Variants in AGBL4 observed in about 807,000 individuals in gnomAD.
The protein encoded by AGBL4 is cytosolic carboxypeptidase 6.
In AGBL4, 58 loss-of-function variants were observed where a neutral mutation model predicts 66.4. That is an observed-to-expected ratio of 0.87 (90% CI 0.71 to 1.09). The LOEUF (loss-of-function observed/expected upper bound fraction) is 1.09. Among genes scored for constraint, AGBL4 ranks in the 50% least tolerant of loss-of-function variants. The pLI, the probability that AGBL4 is intolerant of heterozygous loss-of-function variation, is 0.00. For synonymous variants in AGBL4, 234 were observed against 222.9 expected, an observed-to-expected ratio of 1.05 and a Z score of -0.44; for missense variants, 579 against 631.0, an observed-to-expected ratio of 0.92 and a Z score of 0.88.
At chr1:49,845,845 T>C in intron 2 of AGBL4, 3 of 1,463,956 alleles carry the variant, frequency 2.0e-6, no homozygotes, top group Non-Finnish European at 1.9e-6. Context: ...CTGCAGTCAG[T>C]GTGGGAAGGC....
intron 5 of AGBL4, among the ~76,000 whole-genome samples, chr1:49,018,922 C>T (rs1193343575): frequency 1.3e-5 from 2 of 152,062 alleles, no homozygotes; most frequent in Non-Finnish European, 2.9e-5. Flanking sequence ...ATATTTGACC[C>T]TGTTATTCCT....
At chr1:49,964,186 A>G (rs1052305721) in intron 1 of AGBL4, among the ~76,000 whole-genome samples, 17 of 152,148 alleles carry the variant, frequency 1.1e-4, no homozygotes, top group African/African-American at 3.6e-4. Context: ...CTGTAGATAG[A>G]TATCATCTAC....
chr1:49,245,648 A>C (rs1414458937), intron 4 of AGBL4, 122 bp downstream of exon 4: 1 of 626,978 alleles, frequency 1.6e-6, no homozygotes, highest in Admixed American at 3.0e-5. Flanking sequence ...TCTGGGTAAA[A>C]TTTTCTTTTA....
intron 3 of AGBL4, among the ~76,000 whole-genome samples, chr1:49,338,525 C>T (rs927756407): frequency 2.6e-5 from 4 of 152,122 alleles, no homozygotes; most frequent in Admixed American, 6.6e-5. Context: ...ACATATTTGT[C>T]GCACATCTTT....
At chr1:49,246,694 A>G (rs569635117) in intron 3 of AGBL4, among the ~76,000 whole-genome samples, 2 of 152,080 alleles carry the variant, frequency 1.3e-5, no homozygotes, top group East Asian at 3.9e-4. Flanking sequence ...GGGAGGGAAG[A>G]TTGTGAAAGA....
intron 8 of AGBL4, among the ~76,000 whole-genome samples, chr1:48,643,237 G>A (rs112580275): frequency 0.021 from 3,197 of 152,174 alleles, 126 homozygotes; most frequent in African/African-American, 0.074. Flanking sequence ...CACATGATAG[G>A]GCCTGTGAGC....
chr1:48,916,731 G>C (rs1294929244), intron 5 of AGBL4, among the ~76,000 whole-genome samples: 1 of 152,130 alleles, frequency 6.6e-6, no homozygotes. Context: ...CCTCCACCAG[G>C]GGGTATCCCA....
intron 5 of AGBL4, among the ~76,000 whole-genome samples, chr1:48,900,056 G>C (rs1383276182): frequency 6.6e-6 from 1 of 152,108 alleles, no homozygotes; most frequent in Non-Finnish European, 1.5e-5. Flanking sequence ...AAGGCAAAGG[G>C]ATGTGAGTGG....
At chr1:48,574,278 G>A (rs1284010218) in intron 11 of AGBL4, among the ~76,000 whole-genome samples, 1 of 152,166 alleles carries the variant, frequency 6.6e-6, no homozygotes, top group Admixed American at 6.5e-5. Context: ...TCTAGAGGCT[G>A]AGACTGGTCC....
intron 4 of AGBL4, among the ~76,000 whole-genome samples, chr1:49,111,953 G>A (rs1290529298): frequency 6.6e-6 from 1 of 152,192 alleles, no homozygotes; most frequent in African/African-American, 2.4e-5. Context: ...TTTGGCATAG[G>A]CAGAGTAGGT....
chr1:49,942,393 G>A (rs189690515), intron 1 of AGBL4, among the ~76,000 whole-genome samples: 155 of 151,950 alleles, frequency 1.0e-3, no homozygotes, highest in Middle Eastern at 3.4e-3. Context: ...AAACTTGAGC[G>A]AAAAAACAAA....
rs554792653 is a variant in AGBL4 at position 49,816,110 on chromosome 1, G to C, written c.157+35286C>G. Among the ~76,000 whole-genome samples, 249 of 152,114 alleles carry C rather than the reference G, an allele frequency of 1.6e-3. 1 individual carries two copies. The highest frequency in any genetic ancestry group is 5.6e-3 in the African/African-American group (233 of 41,500). ...CTATGTTGCCCAGGCTGGTCTCAAA[G>C]TCCTGGACTCAAGTGGTCCTTCTGC... is the stretch of plus-strand genomic sequence containing the variant. On this transcript the variant is annotated intron_variant, in intron 2 of 13. Coordinates refer to ENST00000371839, the MANE Select transcript of AGBL4 (RefSeq NM_032785.4).
chr1:49,883,170 T>C (rs150393293), intron 1 of AGBL4, among the ~76,000 whole-genome samples: 83 of 152,328 alleles, frequency 5.4e-4, no homozygotes, highest in African/African-American at 1.8e-3. Flanking sequence ...TTATATTTGA[T>C]TTATTAATAC....
At chr1:49,979,490 C>T (rs1658883225) in intron 1 of AGBL4, among the ~76,000 whole-genome samples, 1 of 151,534 alleles carries the variant, frequency 6.6e-6, no homozygotes, top group Admixed American at 6.6e-5. Flanking sequence ...AAACTTACAA[C>T]CTGTTATAGA....
At chr1:48,630,696 T>G (rs1480396899) in intron 9 of AGBL4, among the ~76,000 whole-genome samples, 1 of 152,224 alleles carries the variant, frequency 6.6e-6, no homozygotes, top group African/African-American at 2.4e-5. Flanking sequence ...AATGCAAACC[T>G]AATTTGTCAA....
intron 3 of AGBL4, among the ~76,000 whole-genome samples, chr1:49,540,531 G>A (rs898466776): frequency 6.6e-6 from 1 of 152,098 alleles, no homozygotes; most frequent in Non-Finnish European, 1.5e-5. Context: ...CCAGAACCTA[G>A]CCTATGGTCA....
chr1:49,039,248 T>C (rs193253621), intron 5 of AGBL4, among the ~76,000 whole-genome samples: 1 of 152,152 alleles, frequency 6.6e-6, no homozygotes, highest in African/African-American at 2.4e-5. Context: ...TCTGTATATA[T>C]TAAAATGGTG....
chr1:48,567,374 T>C (rs1644493730), intron 11 of AGBL4, among the ~76,000 whole-genome samples: 1 of 152,310 alleles, frequency 6.6e-6, no homozygotes, highest in Non-Finnish European at 1.5e-5. Context: ...CTTTGCCCTT[T>C]CTTTCAGCAT....
At chr1:48,994,760 T>C (rs932699147) in intron 5 of AGBL4, among the ~76,000 whole-genome samples, 1 of 152,198 alleles carries the variant, frequency 6.6e-6, no homozygotes, top group Non-Finnish European at 1.5e-5. Context: ...ATGGTTTATA[T>C]ATATATTCAT....
Sources: allele counts gnomAD v4.1 joint callset (sites outside exome capture counted in the v4.1 genomes callset), GRCh38; gene constraint gnomAD v4.1.1; transcripts MANE v1.5; gene names NCBI Gene and HGNC (gene_info 2026-07-23, HGNC 2026-07-21).